SLC9A7: variants seen among roughly 807,000 people sequenced by gnomAD.
SLC9A7 encodes sodium/hydrogen exchanger 7.
A neutral mutation model predicts 52.6 loss-of-function variants in SLC9A7; 19 were observed. That is an observed-to-expected ratio of 0.36 (90% confidence interval 0.25 to 0.53). The LOEUF is 0.53. Ranked by LOEUF, SLC9A7 falls within the 20% of genes least tolerant of loss-of-function variation. SLC9A7 has a pLI of 0.91. For synonymous variants in SLC9A7, 226 were observed against 252.1 expected, an observed-to-expected ratio of 0.90 and a Z score of 0.98; for missense variants, 455 against 597.9, an observed-to-expected ratio of 0.76 and a Z score of 2.49.
At chrX:46,680,323 T>C (rs1380901528) in intron 2 of SLC9A7, among the ~76,000 whole-genome samples, 3 of 103,441 alleles carry the variant, frequency 2.9e-5, no homozygotes, top group Admixed American at 1.1e-4. Context: ...CACTCCAGCC[T>C]GAGCAACAGA....
At chrX:46,708,053 T>C (rs763513323) in intron 1 of SLC9A7, among the ~76,000 whole-genome samples, 3 of 112,014 alleles carry the variant, frequency 2.7e-5, no homozygotes, top group Non-Finnish European at 3.8e-5. Context: ...CATGTACCTT[T>C]AGTGCCAGCT....
At chrX:46,691,610 T>C (rs1944382019) in intron 1 of SLC9A7, among the ~76,000 whole-genome samples, 1 of 112,432 alleles carries the variant, frequency 8.9e-6, no homozygotes, top group African/African-American at 3.2e-5. Context: ...CAAATGCTGC[T>C]TTTTATGAGC....
At chrX:46,626,970 T>C (rs1046954008) in intron 14 of SLC9A7, among the ~76,000 whole-genome samples, 1 of 111,675 alleles carries the variant, frequency 9.0e-6, no homozygotes, top group African/African-American at 3.3e-5. Context: ...GCCTTTGTCA[T>C]ATCATTGGGA....
intron 1 of SLC9A7, among the ~76,000 whole-genome samples, chrX:46,751,629 G>A (rs377277948): frequency 9.0e-6 from 1 of 110,771 alleles, no homozygotes; most frequent in Admixed American, 9.7e-5. Context: ...GCAACATGGC[G>A]AAACCCTGTC....
chrX:46,671,520 C>T (rs961307996), intron 4 of SLC9A7, among the ~76,000 whole-genome samples: 1 of 110,645 alleles, frequency 9.0e-6, no homozygotes, highest in Non-Finnish European at 1.9e-5. Context: ...CTGCCCGCCT[C>T]GGCCTCCCAA....
chrX:46,627,016 T>C lies in SLC9A7; in HGVS notation c.1740+4570A>G, dbSNP rs181414838. Among the ~76,000 whole-genome samples the C allele has an allele frequency of 3.3e-4, 37 of 111,670 alleles. No individual in the cohort carries two copies. In the East Asian group the frequency reaches 8.7e-3, roughly 26 times the overall value. ...AAGATTTCTCAGCAGAGGGTAATAATAGGGTTTAGAAACAGGGAATCAGCC... is the reference window on the plus strand; with the variant it reads ...AAGATTTCTCAGCAGAGGGTAATAACAGGGTTTAGAAACAGGGAATCAGCC... On this transcript the variant is annotated intron_variant, in intron 14 of 16. Transcript: ENST00000616978.
At chrX:46,694,084 TTGTGTACTA>T (rs1325872602) in intron 1 of SLC9A7, among the ~76,000 whole-genome samples, 1 of 110,588 alleles carries the variant, frequency 9.0e-6, no homozygotes, top group Non-Finnish European at 1.9e-5. Context: ...AAACTACCTA[TTGTGTACTA>T]TGCTCACTAC....
At chrX:46,725,476 C>T in intron 1 of SLC9A7, 1 of 1,030,065 alleles carries the variant, frequency 9.7e-7, no homozygotes, top group East Asian at 3.0e-5. Context: ...TTCTTCATTT[C>T]CTTTACTCCC....
rs191954045 is a variant in SLC9A7, at chrX:46,730,378, G to C, written c.325+28327C>G. On this transcript the variant is annotated intron_variant, in intron 1 of 16. Coordinates refer to ENST00000616978, the MANE Select transcript of SLC9A7 (RefSeq NM_001257291.2). ...AGAGGTTAAAGACATAATGGATGAGGCTGGGTGTGGTGGCTCATGCCTGTA... is the reference window on the plus strand; with the variant it reads ...AGAGGTTAAAGACATAATGGATGAGCCTGGGTGTGGTGGCTCATGCCTGTA... Among the ~76,000 whole-genome samples the C allele has an allele frequency of 1.1e-4, 12 of 109,421 alleles. No individual in the cohort carries two copies. The East Asian group carries it at 2.3e-3, about 21-fold the overall frequency.
At chrX:46,706,137 G>C (rs1944601842) in intron 1 of SLC9A7, among the ~76,000 whole-genome samples, 1 of 106,915 alleles carries the variant, frequency 9.4e-6, no homozygotes, top group African/African-American at 3.4e-5. Flanking sequence ...GGATGGATAA[G>C]GTATTGTAGC....
chrX:46,697,173 T>C (rs1944460496), intron 1 of SLC9A7, among the ~76,000 whole-genome samples: 1 of 112,384 alleles, frequency 8.9e-6, no homozygotes, highest in Non-Finnish European at 1.9e-5. Flanking sequence ...TTACAAAAAC[T>C]GAATACAATT....
intron 1 of SLC9A7, among the ~76,000 whole-genome samples, chrX:46,693,426 GGT>G (rs924347688): frequency 9.9e-5 from 11 of 111,336 alleles, no homozygotes; most frequent in African/African-American, 3.6e-4. Context: ...AAAATAAAAT[GGT>G]GTGTTTATGG....
chrX:46,756,179 C>T (rs782204413), intron 1 of SLC9A7, among the ~76,000 whole-genome samples: 8 of 111,079 alleles, frequency 7.2e-5, no homozygotes, highest in African/African-American at 9.8e-5. Context: ...AAATTGTTTG[C>T]CTCCAGAAAT....
At chrX:46,682,616 A>C in intron 1 of SLC9A7, 81 bp from the exon 2 acceptor site, 4 of 889,098 alleles carry the variant, frequency 4.5e-6, no homozygotes, top group Non-Finnish European at 3.2e-6. Flanking sequence ...GACTTTCAAC[A>C]ACTAAGAAAT....
intron 1 of SLC9A7, among the ~76,000 whole-genome samples, chrX:46,714,574 T>C (rs1200942956): frequency 2.7e-5 from 3 of 111,434 alleles, no homozygotes; most frequent in Non-Finnish European, 5.6e-5. Context: ...ACAACACATA[T>C]ATTTTTTGAG....
rs1943169117 is a variant in SLC9A7, at chrX:46,628,356, C to G, written c.1740+3230G>C. ...GTTTTTGTTTTGGTTGCAAAGTCAC[C>G]AAGACCTCCAGAGAAACAAAGCACT... On this transcript the variant is annotated intron_variant, in intron 14 of 16. Coordinates refer to ENST00000616978, the MANE Select transcript of SLC9A7 (RefSeq NM_001257291.2). Among the ~76,000 whole-genome samples, 4 of 112,682 alleles carry G rather than the reference C, an allele frequency of 3.5e-5. No individual in the cohort carries two copies. In the South Asian group the frequency reaches 1.5e-3, roughly 41 times the overall value.
chrX:46,675,060 AATGTGTGTGTGTGT>A (rs1182904883), intron 3 of SLC9A7, among the ~76,000 whole-genome samples: 4 of 39,870 alleles, frequency 1.0e-4, no homozygotes, highest in African/African-American at 1.5e-4. Flanking sequence ...AGAGAGAGTG[AATGTGTGTGTGTGT>A]GTGTGTGTGT....
At position 46,738,099 on chromosome X, in the gene SLC9A7, GAAAGAAAGAGA is replaced by G. The variant is rs1569525297; in HGVS notation, c.325+20595_325+20605del. Among the ~76,000 whole-genome samples the G allele has an allele frequency of 3.8e-3, 185 of 48,119 alleles. 1 individual carries two copies. The highest frequency in any genetic ancestry group is 8.4e-3 in the African/African-American group (176 of 20,866). 41.8% of individuals were successfully genotyped at this position (48,119 alleles called of 115,157 possible). ...AGAAAGAAAGAAAGAAAGAAAGAAA[GAAAGAAAGAGA>G]AAAGAAAAGAAAAGTTTGGACATCT... On this transcript the variant is annotated intron_variant, in intron 1 of 16. Transcript: ENST00000616978.
chrX:46,626,953 A>C (rs1013638008), intron 14 of SLC9A7, among the ~76,000 whole-genome samples: 15 of 111,766 alleles, frequency 1.3e-4, no homozygotes, highest in African/African-American at 4.9e-4. Flanking sequence ...GAATGGACTA[A>C]TACAGGGCCT....
Sources: gnomAD v4.1 joint callset for allele counts (sites outside exome capture counted in the v4.1 genomes callset) on GRCh38, gnomAD v4.1.1 for gene constraint, MANE v1.5 for transcripts, NCBI Gene and HGNC (gene_info 2026-07-23, HGNC 2026-07-21) for gene names.